CFAP97D2: variants seen among roughly 807,000 people sequenced by gnomAD.
CFAP97D2 encodes the protein uncharacterized protein CFAP97D2.
At chr13:114,181,306 CA>C (rs1414734493) in intron 1 of CFAP97D2, among the ~76,000 whole-genome samples, 8 of 152,190 alleles carry the variant, frequency 5.3e-5, no homozygotes, top group Admixed American at 1.3e-4. Context: ...AGCTTCCCAG[CA>C]GGGGCAGACA....
At chr13:114,209,344 G>A (rs2080956196) in intron 3 of CFAP97D2, among the ~76,000 whole-genome samples, 1 of 152,164 alleles carries the variant, frequency 6.6e-6, no homozygotes, top group Admixed American at 6.5e-5. Flanking sequence ...AATAACACGA[G>A]TAGGTGGTCT....
In CFAP97D2 at chr13:114,188,448, T is replaced by A. The variant is rs535353226; in HGVS notation, c.91-7948T>A. On this transcript the variant is annotated intron_variant, in intron 1 of 4. Transcript: ENST00000646158. ...TGCATATATTAGAAAAGAAGAAAGA[T>A]CTAAAATCAATAATCTAAGTTTTTG... 9.9e-5 allele frequency among the ~76,000 whole-genome samples: 15 copies of A among 151,896 alleles called. No homozygotes were observed. The South Asian group carries it at 2.5e-3, about 25-fold the overall frequency.
At chr13:114,218,660 T>G (rs1224744276) in intron 4 of CFAP97D2, among the ~76,000 whole-genome samples, 24 of 152,200 alleles carry the variant, frequency 1.6e-4, no homozygotes, top group Admixed American at 1.6e-3. Flanking sequence ...AACAGCATGA[T>G]ACTGGTACCA....
In CFAP97D2 at chr13:114,207,681, T is replaced by G. The variant is rs2080947527; in HGVS notation, c.291-4231T>G. Reference sequence around the variant, plus strand: ...ACCTCCTGCTGTTTGGCCTGGTTCCTAACAGGCCACAGACTGGTATGGGTC... The same window carrying G: ...ACCTCCTGCTGTTTGGCCTGGTTCCGAACAGGCCACAGACTGGTATGGGTC... On this transcript the variant is annotated intron_variant, in intron 3 of 4. Coordinates refer to ENST00000646158, the Ensembl canonical transcript of CFAP97D2. This position sits in a 1 kb window ranked among gnomAD's most constrained non-coding sequence, Gnocchi z 4.9. Among the ~76,000 whole-genome samples the G allele has an allele frequency of 6.6e-6, 1 of 152,202 alleles. No individual in the cohort carries two copies. Among genetic ancestry groups the G allele is most frequent in the Admixed American group, 6.5e-5 (1 of 15,284 alleles).
chr13:114,220,442 A>G (rs2081016406), intron 4 of CFAP97D2, among the ~76,000 whole-genome samples: 1 of 152,160 alleles, frequency 6.6e-6, no homozygotes, highest in African/African-American at 2.4e-5. Context: ...TTTAAATATT[A>G]ACTCGCAAAA....
At chr13:114,219,131 G>A (rs1019235997) in intron 4 of CFAP97D2, among the ~76,000 whole-genome samples, 16 of 152,176 alleles carry the variant, frequency 1.1e-4, no homozygotes, top group African/African-American at 3.9e-4. Flanking sequence ...CTACTCATCT[G>A]ACAAAGGGCT....
At position 114,192,411 on chromosome 13, in the gene CFAP97D2, T is replaced by A. The variant is rs187712738; in HGVS notation, c.91-3985T>A. Among the ~76,000 whole-genome samples the A allele has an allele frequency of 4.5e-3, 688 of 152,186 alleles. 4 individuals are homozygous for A. Among genetic ancestry groups the A allele is most frequent in the Middle Eastern group, 0.017 (5 of 294 alleles). On this transcript the variant is annotated intron_variant, in intron 1 of 4. Transcript: ENST00000646158. ...GTTCTCTTTAAAAAATCATTTAAAA[T>A]TTTTTTTAAATCGCAAACAAAAACA...
intron 3 of CFAP97D2, among the ~76,000 whole-genome samples, chr13:114,204,969 G>T (rs2080932794): frequency 1.3e-5 from 2 of 152,192 alleles, no homozygotes; most frequent in African/African-American, 2.4e-5. Flanking sequence ...ACCTCTCACA[G>T]TTCAGTGATA....
rs142179113 is a variant in CFAP97D2 at position 114,211,292 on chromosome 13, C to A, written c.291-620C>A. ...TCTCACCACTGCAGTGGGCTGGCATCGATGCCCCTCCCTCCCACTTCATGC... is the reference window on the plus strand; with the variant it reads ...TCTCACCACTGCAGTGGGCTGGCATAGATGCCCCTCCCTCCCACTTCATGC... On this transcript the variant is annotated intron_variant, in intron 3 of 4. Coordinates refer to ENST00000646158, the Ensembl canonical transcript of CFAP97D2. The surrounding 1 kb of genome is among the most constrained non-coding windows in gnomAD (Gnocchi z 4.2). Among the ~76,000 whole-genome samples the A allele has an allele frequency of 1.3e-5, 2 of 152,280 alleles. No homozygotes were observed. The highest frequency in any genetic ancestry group is 3.9e-4 in the East Asian group (2 of 5,162).
At chr13:114,197,549 G>T (rs1483223331) in intron 2 of CFAP97D2, among the ~76,000 whole-genome samples, 1 of 152,146 alleles carries the variant, frequency 6.6e-6, no homozygotes. Context: ...TTTATTTGTG[G>T]TTTACATGAC....
chr13:114,212,620 C>T (rs980534909), intron 4 of CFAP97D2, among the ~76,000 whole-genome samples: 4 of 152,014 alleles, frequency 2.6e-5, no homozygotes, highest in East Asian at 1.9e-4. Flanking sequence ...GAGGCCAAGG[C>T]GGGTGGATAA....
chr13:114,180,577 G>C (rs181402659), intron 1 of CFAP97D2, among the ~76,000 whole-genome samples: 15 of 152,294 alleles, frequency 9.8e-5, no homozygotes, highest in Non-Finnish European at 2.2e-4. Context: ...TGATTGATGG[G>C]CATGTTCATT....
At chr13:114,218,000 A>G (rs2081003552) in intron 4 of CFAP97D2, among the ~76,000 whole-genome samples, 1 of 152,196 alleles carries the variant, frequency 6.6e-6, no homozygotes, top group African/African-American at 2.4e-5. Context: ...ACTCCTATTC[A>G]ACATAGTGTT....
In CFAP97D2 at chr13:114,211,384, C is replaced by G. The variant is rs1303227720; in HGVS notation, c.291-528C>G. Among the ~76,000 whole-genome samples the G allele has an allele frequency of 6.6e-6, 1 of 152,186 alleles. No homozygotes were observed. The highest frequency in any genetic ancestry group is 2.4e-5 in the African/African-American group (1 of 41,442). ...AGTGCCTGCGGAGTCTGGTTTGAAG[C>G]CATTCAGTGGCTCCACACTGTCTTC... On this transcript the variant is annotated intron_variant, in intron 3 of 4. Coordinates refer to ENST00000646158, the Ensembl canonical transcript of CFAP97D2. This position sits in a 1 kb window ranked among gnomAD's most constrained non-coding sequence, Gnocchi z 4.2.
At chr13:114,218,156 C>G (rs2081004302) in intron 4 of CFAP97D2, among the ~76,000 whole-genome samples, 1 of 152,236 alleles carries the variant, frequency 6.6e-6, no homozygotes, top group African/African-American at 2.4e-5. Flanking sequence ...TCTCCTTAAG[C>G]TGATAAGCAA....
At chr13:114,200,330 G>A in exon 3 of CFAP97D2, 1 of 398,652 alleles carries the variant, frequency 2.5e-6, no homozygotes, top group Non-Finnish European at 4.4e-6. Flanking sequence ...CCCAGCTGGA[G>A]GAGGAACGGC....
chr13:114,193,475 C>T (rs1485097523), intron 1 of CFAP97D2, among the ~76,000 whole-genome samples: 2 of 152,116 alleles, frequency 1.3e-5, no homozygotes, highest in African/African-American at 4.8e-5. Flanking sequence ...GATCTTCTTG[C>T]TGTGTCCTCA....
chr13:114,211,062 G>A lies in CFAP97D2; in HGVS notation c.291-850G>A, dbSNP rs2138782022. On this transcript the variant is annotated intron_variant, in intron 3 of 4. Coordinates refer to ENST00000646158, the Ensembl canonical transcript of CFAP97D2. This position sits in a 1 kb window ranked among gnomAD's most constrained non-coding sequence, Gnocchi z 4.2. ...GGGTGATGGTGAACTTCCAGGAGGA[G>A]GCCACCAACCATCCACCATTATTCC... is the stretch of plus-strand genomic sequence containing the variant. Among the ~76,000 whole-genome samples the A allele has an allele frequency of 6.6e-6, 1 of 152,288 alleles. No individual in the cohort carries two copies.
chr13:114,190,024 C>T (rs1369225217), intron 1 of CFAP97D2, among the ~76,000 whole-genome samples: 5 of 151,990 alleles, frequency 3.3e-5, no homozygotes, highest in Non-Finnish European at 7.4e-5. Flanking sequence ...TGTTTGCCAT[C>T]CTAGCTACTT....
Sources: gnomAD v4.1 joint callset for allele counts (sites outside exome capture counted in the v4.1 genomes callset) on GRCh38, gnomAD v4.1.1 for gene constraint, Gnocchi (gnomAD v3.1) non-coding constraint, MANE v1.5 for transcripts, NCBI Gene and HGNC (gene_info 2026-07-23, HGNC 2026-07-21) for gene names.